ZNF469: variants seen among roughly 807,000 people sequenced by gnomAD.
ZNF469 encodes zinc finger protein 469.
In ZNF469, 1 loss-of-function variant was observed where a neutral mutation model predicts 1.0. The observed-to-expected ratio is 1.00, with a 90% CI of 0.35 to 4.73. The LOEUF (loss-of-function observed/expected upper bound fraction) is 4.73. Among genes scored for constraint, ZNF469 ranks in the 30% most tolerant of loss-of-function variants. ZNF469 has a pLI of 0.16. For synonymous variants in ZNF469, 2,703 were observed against 2,363.4 expected, an observed-to-expected ratio of 1.14 and a Z score of -4.17; for missense variants, 6,100 against 5,356.3, an observed-to-expected ratio of 1.14 and a Z score of -4.33.
chr16:88,227,307 G>A, the ZNF469 span, among the ~76,000 whole-genome samples: 1 of 152,200 alleles, frequency 6.6e-6, no homozygotes. Flanking sequence ...GAGGAAGCGG[G>A]GAAGGGGGAG....
chr16:88,297,096 C>T, the ZNF469 span, among the ~76,000 whole-genome samples: 4 of 152,238 alleles, frequency 2.6e-5, no homozygotes, highest in Non-Finnish European at 5.9e-5. Context: ...CAGCGGCAGG[C>T]ACCAAAACAG....
the ZNF469 span, among the ~76,000 whole-genome samples, chr16:88,247,574 G>A: frequency 6.6e-6 from 1 of 150,930 alleles, no homozygotes; most frequent in Non-Finnish European, 1.5e-5. Context: ...GTGAGTGACT[G>A]AGTGAGTGAA....
the ZNF469 span, among the ~76,000 whole-genome samples, chr16:88,283,787 G>A: frequency 1.2e-4 from 18 of 151,914 alleles, no homozygotes; most frequent in African/African-American, 4.1e-4. Flanking sequence ...TGCGGAGGCT[G>A]GTAGACCCCC....
At chr16:88,243,042 G>A in the ZNF469 span, among the ~76,000 whole-genome samples, 291 of 152,324 alleles carry the variant, frequency 1.9e-3, no homozygotes, top group African/African-American at 6.9e-3. Flanking sequence ...CAAACTCACT[G>A]CTGGCCAGCC....
Position 88,428,079 on chromosome 16 carries a change from C to A in ZNF469, c.609C>A (p.Pro203=), listed in dbSNP as rs886052390. 9.9e-5 allele frequency: 154 copies of A among 1,549,830 alleles called. No homozygotes were observed. The highest frequency in any genetic ancestry group is 1.3e-4 in the Non-Finnish European group (146 of 1,146,860). The change falls in exon 3 of 3, where the codon CCC becomes CCA. Residue 203 remains proline, a synonymous_variant. Coordinates refer to ENST00000565624, the MANE Select transcript of ZNF469 (RefSeq NM_001367624.2). ...STNYTSPSAT[P]RPPAPGPPQS... is the part of the protein sequence containing the mutation. Reference sequence around the variant, plus strand: ...ACTATACCTCACCAAGCGCCACCCCCAGGCCCCCAGCCCCGGGGCCCCCCC... The same window carrying A: ...ACTATACCTCACCAAGCGCCACCCCAAGGCCCCCAGCCCCGGGGCCCCCCC...
chr16:88,121,199 C>T, the ZNF469 span, among the ~76,000 whole-genome samples: 2 of 109,526 alleles, frequency 1.8e-5, no homozygotes, highest in Admixed American at 1.2e-4. Context: ...TTGCACTTGG[C>T]ACCCACTGTG....
At chr16:88,401,383 G>C (rs72805339) in intron 1 of ZNF469, among the ~76,000 whole-genome samples, 4,369 of 152,342 alleles carry the variant, frequency 0.029, 74 homozygotes, top group Non-Finnish European at 0.04. Flanking sequence ...GGCTAGAATA[G>C]AGTACTTGCA....
At chr16:88,399,826 A>C (rs923768287) in intron 1 of ZNF469, among the ~76,000 whole-genome samples, 1 of 152,200 alleles carries the variant, frequency 6.6e-6, no homozygotes, top group African/African-American at 2.4e-5. Flanking sequence ...GGAGGCGTGG[A>C]GCCTGGGACA....
At chr16:88,367,372 A>G in the ZNF469 span, among the ~76,000 whole-genome samples, 4 of 152,110 alleles carry the variant, frequency 2.6e-5, no homozygotes, top group African/African-American at 7.2e-5. Context: ...AAGTCCCACA[A>G]CTCGTGAGTG....
chr16:88,327,186 C>G, the ZNF469 span, among the ~76,000 whole-genome samples: 345 of 152,320 alleles, frequency 2.3e-3, 2 homozygotes, highest in African/African-American at 8.0e-3. Flanking sequence ...GTGGCCGCCT[C>G]TCCAGAGCCT....
chr16:88,179,799 G>A, the ZNF469 span, among the ~76,000 whole-genome samples: 1 of 152,246 alleles, frequency 6.6e-6, no homozygotes, highest in Non-Finnish European at 1.5e-5. Flanking sequence ...CTGAAGCAAA[G>A]ACGGGAAAAG....
chr16:88,195,512 T>C, the ZNF469 span, among the ~76,000 whole-genome samples: 6 of 152,102 alleles, frequency 3.9e-5, no homozygotes, highest in African/African-American at 1.4e-4. Flanking sequence ...GGGTTTTAGC[T>C]GGGGCTGTCG....
chr16:88,147,973 C>T, the ZNF469 span, among the ~76,000 whole-genome samples: 5 of 152,176 alleles, frequency 3.3e-5, no homozygotes, highest in South Asian at 8.3e-4. Flanking sequence ...GTCTTTGCAC[C>T]CCACTCTGAA....
At chr16:88,153,485 A>C in the ZNF469 span, among the ~76,000 whole-genome samples, 2 of 152,156 alleles carry the variant, frequency 1.3e-5, no homozygotes, top group Non-Finnish European at 2.9e-5. Context: ...TGCCCTGAGG[A>C]TTTTTCCCGA....
At chr16:88,156,986 G>A in the ZNF469 span, among the ~76,000 whole-genome samples, 15 of 152,354 alleles carry the variant, frequency 9.8e-5, no homozygotes, top group African/African-American at 2.4e-4. Context: ...ACAAAGCCTC[G>A]AAGAAAACAC....
the ZNF469 span, among the ~76,000 whole-genome samples, chr16:88,356,619 A>C: frequency 6.6e-6 from 1 of 152,182 alleles, no homozygotes; most frequent in Non-Finnish European, 1.5e-5. Context: ...AGCTCCCAGC[A>C]GACTGGGCTC....
the ZNF469 span, among the ~76,000 whole-genome samples, chr16:88,375,984 A>C: frequency 1.3e-5 from 2 of 152,268 alleles, no homozygotes; most frequent in African/African-American, 4.8e-5. Context: ...GAAACTTGCC[A>C]CATTTTTTTC....
At chr16:88,402,303 T>A (rs1444685036) in intron 1 of ZNF469, among the ~76,000 whole-genome samples, 3 of 152,084 alleles carry the variant, frequency 2.0e-5, no homozygotes. Flanking sequence ...TTCAGGAGTG[T>A]CCCATCTAGT....
chr16:88,211,732 G>A, the ZNF469 span, among the ~76,000 whole-genome samples: 30 of 152,078 alleles, frequency 2.0e-4, no homozygotes, highest in Non-Finnish European at 5.9e-5. Context: ...TCCTCCAACC[G>A]TCCAGCTGCT....
Sources: gnomAD v4.1 joint callset for allele counts (sites outside exome capture counted in the v4.1 genomes callset) on GRCh38, gnomAD v4.1.1 for gene constraint, MANE v1.5 for transcripts, NCBI Gene and HGNC (gene_info 2026-07-23, HGNC 2026-07-21) for gene names.